VDAC2: variants seen among roughly 807,000 people sequenced by gnomAD.
VDAC2 encodes the protein voltage dependent anion channel 2.
A neutral mutation model predicts 36.6 loss-of-function variants in VDAC2; 6 were observed. That is an observed-to-expected ratio of 0.16 (90% confidence interval 0.09 to 0.32). VDAC2 has a LOEUF of 0.32. Ranked by LOEUF, VDAC2 falls within the 10% of genes least tolerant of loss-of-function variation. The probability of loss-of-function intolerance (pLI) is 1.00; values close to 1 mark genes in which losing one functional copy is unlikely to be tolerated. For synonymous variants in VDAC2, 109 were observed against 123.8 expected (o/e 0.88, Z 0.79); for missense variants, 247 against 346.0 (o/e 0.71, Z 2.27).
chr10:75,212,241 C>A lies in VDAC2; in HGVS notation c.43C>A (p.Pro15Thr), dbSNP rs749096407. ...GQTCARPMCI[P>T]PSYADLGKAA... ...TTTTTTTCTACCAGCAATGTGTATT[C>A]CTCCATCATATGCTGACCTTGGCAA... is the stretch of plus-strand genomic sequence containing the variant. Residue 15 changes from proline to threonine, a missense_variant, in exon 3 of 10, where the codon CCT becomes ACT. Pro to Thr is a conservative substitution (Grantham distance 38, BLOSUM62 -1). Coordinates refer to ENST00000332211, the MANE Select transcript of VDAC2 (RefSeq NM_001391963.1). 1 of 1,613,482 alleles carries A rather than the reference C, an allele frequency of 6.2e-7. No homozygotes were observed. Among genetic ancestry groups the A allele is most frequent in the Non-Finnish European group, 8.5e-7 (1 of 1,179,866 alleles).
intron 8 of VDAC2, among the ~76,000 whole-genome samples, chr10:75,226,451 GTTTTTTTT>G (rs147954706): frequency 9.9e-6 from 1 of 100,894 alleles, no homozygotes; most frequent in African/African-American, 4.0e-5. Flanking sequence ...TCTTTTGTGG[GTTTTTTTT>G]TTTTTTTTTT....
At chr10:75,214,169 A>G (rs1400111080) in intron 4 of VDAC2, 99 bp downstream of exon 4, 9 of 1,255,534 alleles carry the variant, frequency 7.2e-6, no homozygotes, top group Non-Finnish European at 9.1e-6. Context: ...TGTCTTAAAG[A>G]AGAGGCAGAA....
At chr10:75,221,720 C>T (rs996202453) in intron 7 of VDAC2, among the ~76,000 whole-genome samples, 2 of 152,174 alleles carry the variant, frequency 1.3e-5, no homozygotes, top group African/African-American at 2.4e-5. Flanking sequence ...GCGATCCTCC[C>T]GCCTCAGCCT....
intron 2 of VDAC2, chr10:75,211,729 T>C (rs1841430229): frequency 6.6e-7 from 1 of 1,520,596 alleles, no homozygotes; most frequent in Non-Finnish European, 8.9e-7. Flanking sequence ...GGCAGTATTT[T>C]TTCCAAGTTT....
chr10:75,219,576 T>G (rs1356550031), intron 6 of VDAC2, among the ~76,000 whole-genome samples: 1 of 151,844 alleles, frequency 6.6e-6, no homozygotes, highest in Non-Finnish European at 1.5e-5. Flanking sequence ...CTCAGCTTCC[T>G]GGGTTCAAGC....
At chr10:75,217,823 T>C in intron 4 of VDAC2, 2 of 994,912 alleles carry the variant, frequency 2.0e-6, no homozygotes, top group Non-Finnish European at 2.7e-6. Context: ...TGTTCTATTT[T>C]CTGAGAGAAG....
intron 4 of VDAC2, among the ~76,000 whole-genome samples, chr10:75,217,641 G>C (rs1215921199): frequency 6.6e-6 from 1 of 152,130 alleles, no homozygotes; most frequent in East Asian, 1.9e-4. Flanking sequence ...GCCTCCTGAA[G>C]TGCTGGGATT....
In VDAC2 at chr10:75,231,220, A is replaced by G. The variant is rs1294668600; in HGVS notation, c.*231A>G. On this transcript the variant is annotated 3_prime_UTR_variant, in exon 10 of 10. Coordinates refer to ENST00000332211, the MANE Select transcript of VDAC2 (RefSeq NM_001391963.1). The stretch of plus-strand genomic sequence containing the variant: ...AGTCACCTATACATTATTTAAATGT[A>G]TTTAACTGTTAAATGCGCTACCCAC... 2.5e-6 allele frequency: 1 copy of G among 398,260 alleles called. No homozygotes were observed. The highest frequency in any genetic ancestry group is 4.7e-6 in the Non-Finnish European group (1 of 214,944). 24.7% of individuals were successfully genotyped at this position (398,260 alleles called of 1,614,324 possible).
chr10:75,214,314 T>C (rs1167970659), intron 4 of VDAC2, among the ~76,000 whole-genome samples: 1 of 152,262 alleles, frequency 6.6e-6, no homozygotes, highest in Non-Finnish European at 1.5e-5. Context: ...GGTGGTACTC[T>C]TTACTCGTAA....
chr10:75,217,620 G>T (rs1244025037), intron 4 of VDAC2, among the ~76,000 whole-genome samples: 8 of 152,030 alleles, frequency 5.3e-5, no homozygotes, highest in African/African-American at 1.9e-4. Flanking sequence ...TCAAGTGATC[G>T]GCCCGCCTTG....
intron 8 of VDAC2, among the ~76,000 whole-genome samples, chr10:75,226,802 G>C (rs542891268): frequency 6.6e-6 from 1 of 152,266 alleles, no homozygotes; most frequent in African/African-American, 2.4e-5. Flanking sequence ...AACCACATCT[G>C]AACTTATGTT....
In VDAC2 at chr10:75,222,497, A is replaced by C; in HGVS notation, c.735+95A>C. The C allele has an allele frequency of 2.0e-6, 3 of 1,490,470 alleles. No individual in the cohort carries two copies. The South Asian group carries it at 3.7e-5, about 18-fold the overall frequency. 92.3% of individuals were successfully genotyped at this position (1,490,470 alleles called of 1,614,324 possible). ...TGTTGAAAATTTGAACTGATTTCACACAGTCCCCAGTTTACAGATAGATTA... is the reference window on the plus strand; with the variant it reads ...TGTTGAAAATTTGAACTGATTTCACCCAGTCCCCAGTTTACAGATAGATTA... On this transcript the variant is annotated intron_variant, in intron 8 of 9. Transcript: ENST00000332211.
intron 4 of VDAC2, 76 bp downstream of exon 4, chr10:75,214,146 T>C: frequency 6.8e-7 from 1 of 1,460,600 alleles, no homozygotes; most frequent in Non-Finnish European, 9.5e-7. Flanking sequence ...AACTGAAAGA[T>C]GTCTACCTGT....
intron 8 of VDAC2, 78 bp from the exon 9 acceptor site, chr10:75,229,566 T>C (rs1842048068): frequency 8.6e-7 from 1 of 1,168,792 alleles, no homozygotes; most frequent in Non-Finnish European, 1.2e-6. Context: ...ACTTCATGAT[T>C]ACATGATGGG....
chr10:75,226,805 C>T (rs1324732768), intron 8 of VDAC2, among the ~76,000 whole-genome samples: 1 of 152,128 alleles, frequency 6.6e-6, no homozygotes, highest in Non-Finnish European at 1.5e-5. Flanking sequence ...CACATCTGAA[C>T]TTATGTTAAT....
chr10:75,210,483 G>A (rs1056930849), upstream of VDAC2, among the ~76,000 whole-genome samples: 24 of 152,294 alleles, frequency 1.6e-4, no homozygotes, highest in Admixed American at 3.3e-4. Flanking sequence ...GCCACGCGCC[G>A]ACGCCCCGCC....
At chr10:75,228,107 G>A (rs1234357167) in intron 8 of VDAC2, among the ~76,000 whole-genome samples, 1 of 150,502 alleles carries the variant, frequency 6.6e-6, no homozygotes, top group East Asian at 2.0e-4. Context: ...TGTTAGCCAG[G>A]ATGGTCTCGA....
At chr10:75,220,043 G>T (rs1303442407) in intron 6 of VDAC2, among the ~76,000 whole-genome samples, 1 of 150,948 alleles carries the variant, frequency 6.6e-6, no homozygotes. Context: ...GATCAGGCTG[G>T]TCTTGAACTC....
chr10:75,217,481 G>A (rs1841641809), intron 4 of VDAC2, among the ~76,000 whole-genome samples: 1 of 152,134 alleles, frequency 6.6e-6, no homozygotes, highest in Non-Finnish European at 1.5e-5. Flanking sequence ...AGGTTCAAGT[G>A]ATTTTCCTGC....
Sources: allele counts gnomAD v4.1 joint callset (sites outside exome capture counted in the v4.1 genomes callset), GRCh38; gene constraint gnomAD v4.1.1; transcripts MANE v1.5; gene names NCBI Gene and HGNC (gene_info 2026-07-23, HGNC 2026-07-21).